Variants in MATN2 observed in about 807,000 individuals in gnomAD.
MATN2 encodes matrilin 2.
A neutral mutation model predicts 103.2 loss-of-function variants in MATN2; 69 were observed. That is an observed-to-expected ratio of 0.67 (90% CI 0.55 to 0.82). The LOEUF (loss-of-function observed/expected upper bound fraction) is 0.82, where lower values mean the gene tolerates loss of function less well. Ranked by LOEUF, MATN2 falls within the 40% of genes least tolerant of loss-of-function variation. The pLI, the probability that MATN2 is intolerant of heterozygous loss-of-function variation, is 0.00. For missense variants in MATN2, 1,023 were observed against 1,211.5 expected (o/e 0.84, Z 2.31); for synonymous variants, 429 against 450.2 (o/e 0.95, Z 0.60).
chr8:98,020,139 TTTTCTTTTTG>T (rs777045890), intron 12 of MATN2, among the ~76,000 whole-genome samples: 149 of 152,206 alleles, frequency 9.8e-4, no homozygotes, highest in Non-Finnish European at 1.3e-3. Flanking sequence ...TTGTTCATGC[TTTTCTTTTTG>T]TTTGTTTTTG....
chr8:97,994,401 GAA>G, intron 6 of MATN2, 77 bp from the exon 7 acceptor site: 1 of 1,489,410 alleles, frequency 6.7e-7, no homozygotes, highest in Non-Finnish European at 9.0e-7. Context: ...TTGGGAAAAT[GAA>G]GACTGGAAAT....
intron 5 of MATN2, among the ~76,000 whole-genome samples, chr8:97,971,501 GCTGA>G (rs1249626736): frequency 6.6e-6 from 1 of 152,118 alleles, no homozygotes; most frequent in African/African-American, 2.4e-5. Context: ...ATGGTGGATT[GCTGA>G]CTAAGAACCT....
chr8:97,950,553 C>G (rs1810914091), intron 4 of MATN2, among the ~76,000 whole-genome samples: 1 of 152,058 alleles, frequency 6.6e-6, no homozygotes, highest in Admixed American at 6.6e-5. Context: ...ATATTAGGGA[C>G]CCAAGAAACA....
At chr8:97,953,167 A>G (rs1811018838) in intron 4 of MATN2, among the ~76,000 whole-genome samples, 1 of 151,948 alleles carries the variant, frequency 6.6e-6, no homozygotes, top group Non-Finnish European at 1.5e-5. Flanking sequence ...GGCCTCCCAA[A>G]GTGCTGGGAT....
At chr8:97,900,937 C>A (rs757435157) in intron 2 of MATN2, among the ~76,000 whole-genome samples, 1 of 151,970 alleles carries the variant, frequency 6.6e-6, no homozygotes, top group Non-Finnish European at 1.5e-5. Flanking sequence ...TCTGTCCCCG[C>A]CCCCCCAAAA....
At chr8:97,913,314 ATTTTTT>A (rs5893435) in intron 2 of MATN2, among the ~76,000 whole-genome samples, 1 of 137,052 alleles carries the variant, frequency 7.3e-6, no homozygotes, top group Non-Finnish European at 1.6e-5. Flanking sequence ...ACAGCAATCG[ATTTTTT>A]TTTTTTTTTT....
chr8:97,875,100 A>C (rs1781576661), intron 1 of MATN2, among the ~76,000 whole-genome samples: 1 of 152,060 alleles, frequency 6.6e-6, no homozygotes, highest in South Asian at 2.1e-4. Context: ...AGGTCATCTG[A>C]TTAGCAACCT....
At chr8:97,988,885 TAAA>T (rs1158271699) in intron 6 of MATN2, among the ~76,000 whole-genome samples, 1 of 151,882 alleles carries the variant, frequency 6.6e-6, no homozygotes, top group African/African-American at 2.4e-5. Flanking sequence ...AAGAAAGACA[TAAA>T]AAAAGAAAAC....
intron 4 of MATN2, among the ~76,000 whole-genome samples, chr8:97,957,562 G>A (rs1811182250): frequency 6.6e-6 from 1 of 152,242 alleles, no homozygotes. Flanking sequence ...CAAGCTTGCT[G>A]TTTGTGGGAC....
At chr8:97,917,875 A>G (rs1418829111) in intron 2 of MATN2, among the ~76,000 whole-genome samples, 1 of 152,160 alleles carries the variant, frequency 6.6e-6, no homozygotes, top group Admixed American at 6.5e-5. Flanking sequence ...GTCTGAGCTC[A>G]GGAGTTTGAG....
intron 6 of MATN2, among the ~76,000 whole-genome samples, chr8:97,988,515 A>G (rs1421756547): frequency 6.6e-6 from 1 of 151,996 alleles, no homozygotes; most frequent in African/African-American, 2.4e-5. Flanking sequence ...AGTCCCAGCT[A>G]CTCGAAAGGC....
chr8:98,000,606 A>AAAAAAAAAAAAAGAT (rs1363941117), intron 7 of MATN2, among the ~76,000 whole-genome samples: 1 of 151,436 alleles, frequency 6.6e-6, no homozygotes, highest in Non-Finnish European at 1.5e-5. Flanking sequence ...CAAAAAAAAA[A>AAAAAAAAAAAAAGAT]AAAAGAAATA....
In MATN2 at chr8:97,933,506, T is replaced by C. The variant is rs963495913; in HGVS notation, c.712+1984T>C. On this transcript the variant is annotated intron_variant, in intron 3 of 18. Coordinates refer to ENST00000254898, the MANE Select transcript of MATN2 (RefSeq NM_002380.5). ...ATGATAAGGCTGAGGAGCTACACAATGGGACTGACCGCCCCCCTCCCCCCA... is the reference window on the plus strand; with the variant it reads ...ATGATAAGGCTGAGGAGCTACACAACGGGACTGACCGCCCCCCTCCCCCCA... 6.6e-5 allele frequency among the ~76,000 whole-genome samples: 10 copies of C among 151,630 alleles called. No individual in the cohort carries two copies. The South Asian group carries it at 1.1e-3, about 16-fold the overall frequency.
intron 6 of MATN2, among the ~76,000 whole-genome samples, 185 bp from the exon 7 acceptor site, chr8:97,994,295 T>C (rs1257668442): frequency 1.6e-5 from 2 of 127,166 alleles, no homozygotes; most frequent in African/African-American, 6.1e-5. Flanking sequence ...GGAGAAGAAG[T>C]TTCTCTTAGG....
intron 1 of MATN2, among the ~76,000 whole-genome samples, chr8:97,881,913 C>CTTTTTTTTTTTTTTTTTTTT (rs34704905): frequency 1.2e-5 from 1 of 84,088 alleles, no homozygotes; most frequent in Non-Finnish European, 2.1e-5. Context: ...TATTACTTAT[C>CTTTTTTTTTTTTTTTTTTTT]TTTTTTTTTT....
At chr8:97,915,441 AATG>A (rs1809590122) in intron 2 of MATN2, among the ~76,000 whole-genome samples, 1 of 152,196 alleles carries the variant, frequency 6.6e-6, no homozygotes, top group Admixed American at 6.5e-5. Flanking sequence ...ACCAAACCAA[AATG>A]ATGATAGAAT....
chr8:97,911,727 A>C (rs574488627), intron 2 of MATN2, among the ~76,000 whole-genome samples: 86 of 152,202 alleles, frequency 5.7e-4, no homozygotes, highest in African/African-American at 1.9e-3. Context: ...AAAATAAAAA[A>C]TAAAGTTATG....
Position 98,003,643 on chromosome 8 carries a change from T to C in MATN2, c.1205-18T>C. On this transcript the variant is annotated intron_variant, in intron 7 of 18. Coordinates refer to ENST00000254898, the MANE Select transcript of MATN2 (RefSeq NM_002380.5). ...GAGGTCCAGAGTCTGAAGGAAGGTC[T>C]GCCCTTCTTCCCCTCAGGGATCAAC... 9.9e-6 allele frequency: 16 copies of C among 1,613,378 alleles called. No individual in the cohort carries two copies. Among genetic ancestry groups the C allele is most frequent in the Non-Finnish European group, 1.4e-5 (16 of 1,179,490 alleles).
intron 2 of MATN2, among the ~76,000 whole-genome samples, chr8:97,892,811 G>C (rs980772406): frequency 6.6e-6 from 1 of 152,100 alleles, no homozygotes; most frequent in Non-Finnish European, 1.5e-5. Flanking sequence ...CTCTGAAAAG[G>C]CCTCAGGGAC....
Sources: gnomAD v4.1 joint callset for allele counts (sites outside exome capture counted in the v4.1 genomes callset) on GRCh38, gnomAD v4.1.1 for gene constraint, MANE v1.5 for transcripts, NCBI Gene and HGNC (gene_info 2026-07-23, HGNC 2026-07-21) for gene names.